The following CACNA1B variants were observed in gnomAD, a reference collection of about 807,000 sequenced individuals.
CACNA1B encodes the protein calcium voltage-gated channel subunit alpha1 B, also known as voltage-dependent N-type calcium channel subunit alpha-1B.
A neutral mutation model predicts 247.2 loss-of-function variants in CACNA1B; 70 were observed. The observed-to-expected ratio is 0.28, with a 90% CI of 0.23 to 0.35. CACNA1B has a LOEUF of 0.35. CACNA1B is among the 10% of genes least tolerant of loss of function. The pLI is 1.00. For synonymous variants in CACNA1B, 1,231 were observed against 1,294.4 expected (o/e 0.95, Z 1.05); for missense variants, 2,367 against 3,197.4 (o/e 0.74, Z 6.26).
In CACNA1B at chr9:137,954,226, G is replaced by A. The variant is rs1957917377; in HGVS notation, c.1071-1472G>A. Among the ~76,000 whole-genome samples the A allele has an allele frequency of 6.6e-6, 1 of 152,342 alleles. No homozygotes were observed. Among genetic ancestry groups the A allele is most frequent in the South Asian group, 2.1e-4 (1 of 4,830 alleles). On this transcript the variant is annotated intron_variant, in intron 7 of 46. Transcript: ENST00000371372. This position sits in a 1 kb window ranked among gnomAD's most constrained non-coding sequence, Gnocchi z 4.1. ...CCATGTGGGTCCTGCACCCCGGGGT[G>A]GCAGTGGTGAGAGGCCGCCTTCCCA...
rs987126902 is a variant in CACNA1B at position 137,880,688 on chromosome 9, C to T, written c.390+1529C>T. Among the ~76,000 whole-genome samples, 2 of 152,162 alleles carry T rather than the reference C, an allele frequency of 1.3e-5. No homozygotes were observed. The highest frequency in any genetic ancestry group is 4.8e-5 in the African/African-American group (2 of 41,444). ...GGGAAAACTGCAGAACATGCCCGCC[C>T]TGAGCCAGCCTAGAGGTCTGGGGAG... On this transcript the variant is annotated intron_variant, in intron 2 of 46. Coordinates refer to ENST00000371372, the MANE Select transcript of CACNA1B (RefSeq NM_000718.4). The surrounding 1 kb of genome is among the most constrained non-coding windows in gnomAD (Gnocchi z 4.8).
At chr9:138,062,012 G>A (rs572271079) in intron 31 of CACNA1B, among the ~76,000 whole-genome samples, 195 of 152,330 alleles carry the variant, frequency 1.3e-3, no homozygotes, top group Non-Finnish European at 1.7e-3. Context: ...TCTGTTGGTC[G>A]ACTTATCCCA....
Position 138,075,859 on chromosome 9 carries a change from A to C in CACNA1B, c.4898A>C (p.Asn1633Thr), listed in dbSNP as rs202216674. 6.2e-7 allele frequency: 1 copy of C among 1,608,358 alleles called. No homozygotes were observed. Among genetic ancestry groups the C allele is most frequent in the East Asian group, 2.2e-5 (1 of 44,836 alleles). Reference protein sequence around the residue: ...NIALDDDTSINRHNNFRTFLQ... With the variant: ...NIALDDDTSITRHNNFRTFLQ... ...GCCCTGGATGATGACACCAGCATCA[A>C]CCGCCACAACAACTTCCGGACGTTT... Residue 1633 changes from asparagine to threonine, a missense_variant, in exon 35 of 47, where the codon AAC becomes ACC. Physicochemically the swap from Asn to Thr is moderately conservative, Grantham distance 65. This residue lies in a region of CACNA1B where 436 missense variants were observed against 679.5 expected (regional missense o/e 0.64). Transcript: ENST00000371372.
chr9:138,027,533 C>T (rs929702055), intron 20 of CACNA1B, among the ~76,000 whole-genome samples: 25 of 151,956 alleles, frequency 1.6e-4, no homozygotes, highest in African/African-American at 5.8e-4. Context: ...ACCTTGTTTC[C>T]GCCTACATTA....
chr9:137,885,930 C>G (rs1588978296), intron 3 of CACNA1B, among the ~76,000 whole-genome samples: 1 of 151,084 alleles, frequency 6.6e-6, no homozygotes, highest in South Asian at 2.1e-4. Flanking sequence ...CCCAGGGCCT[C>G]CAGGCCCTCA....
At chr9:137,977,645 C>T (rs534989830) in intron 12 of CACNA1B, among the ~76,000 whole-genome samples, 9 of 152,262 alleles carry the variant, frequency 5.9e-5, no homozygotes, top group Middle Eastern at 3.4e-3. Flanking sequence ...ATGGCACTGT[C>T]GGCACCTGCC....
At chr9:138,074,323 C>G (rs1273054489) in intron 34 of CACNA1B, among the ~76,000 whole-genome samples, 1 of 151,914 alleles carries the variant, frequency 6.6e-6, no homozygotes, top group Admixed American at 6.6e-5. Context: ...TCACTGCAAC[C>G]TCTGCCTGCT....
chr9:137,885,458 G>T (rs182020068), intron 3 of CACNA1B, among the ~76,000 whole-genome samples: 3 of 151,590 alleles, frequency 2.0e-5, no homozygotes, highest in Admixed American at 6.6e-5. Context: ...TTAGTTTGTT[G>T]TTTTTAATTA....
intron 42 of CACNA1B, among the ~76,000 whole-genome samples, chr9:138,116,748 G>A (rs995421786): frequency 1.1e-4 from 16 of 152,208 alleles, no homozygotes; most frequent in Admixed American, 2.0e-4. Flanking sequence ...GGCCTTGGAC[G>A]TGGTGTTATT....
intron 31 of CACNA1B, among the ~76,000 whole-genome samples, chr9:138,065,873 A>G (rs1389396491): frequency 1.3e-5 from 2 of 152,004 alleles, no homozygotes; most frequent in Non-Finnish European, 2.9e-5. Context: ...TTTGCCCAAG[A>G]TGAAGGTTTC....
Position 137,971,649 on chromosome 9 carries a change from G to A in CACNA1B, c.1543+57G>A. On this transcript the variant is annotated intron_variant, in intron 11 of 46. Transcript: ENST00000371372. This position sits in a 1 kb window ranked among gnomAD's most constrained non-coding sequence, Gnocchi z 4.4. ...CCTGAGCATCTCTGCTCTCAGTCTG[G>A]AAACCCTGGTCCATGCCCTGGGGCT... 6.8e-7 allele frequency: 1 copy of A among 1,472,318 alleles called. No homozygotes were observed. Among genetic ancestry groups the A allele is most frequent in the South Asian group, 1.2e-5 (1 of 84,700 alleles). The allele number at this position is 1,472,318 out of a possible 1,614,324, so 91.2% of individuals were successfully genotyped here. A position where few individuals can be genotyped will look rare whatever the true frequency, so the allele number is the denominator to read the frequency against.
At chr9:138,067,826 G>T (rs1453478443) in intron 31 of CACNA1B, among the ~76,000 whole-genome samples, 2 of 152,208 alleles carry the variant, frequency 1.3e-5, no homozygotes, top group African/African-American at 2.4e-5. Flanking sequence ...CTCCTAGGCA[G>T]GTGTCCCAGA....
intron 20 of CACNA1B, among the ~76,000 whole-genome samples, chr9:138,036,673 T>C (rs1026891369): frequency 1.3e-5 from 2 of 152,232 alleles, no homozygotes; most frequent in African/African-American, 4.8e-5. Context: ...GTCTTCTCTC[T>C]GGGGCTGCTT....
At chr9:138,120,055 G>T (rs544068093) in intron 44 of CACNA1B, 110 bp from the exon 45 acceptor site, 8 of 864,696 alleles carry the variant, frequency 9.3e-6, no homozygotes, top group East Asian at 7.8e-5. Context: ...AGACCAGGAT[G>T]GGGGGCGTGT....
chr9:137,970,414 C>G (rs1958132506), intron 10 of CACNA1B, among the ~76,000 whole-genome samples: 1 of 152,208 alleles, frequency 6.6e-6, no homozygotes, highest in Admixed American at 6.5e-5. Context: ...GAGACCCTTC[C>G]CTCAGTTGTT....
At chr9:137,939,850 A>ATAAAT (rs199664165) in intron 6 of CACNA1B, among the ~76,000 whole-genome samples, 2 of 67,570 alleles carry the variant, frequency 3.0e-5, no homozygotes, top group African/African-American at 4.8e-4. Flanking sequence ...AAATAAATAA[A>ATAAAT]AAAAAATAAA....
rs763118849 is a variant in CACNA1B at position 138,049,266 on chromosome 9, A to G, written c.3661A>G (p.Ile1221Val). 1.2e-6 allele frequency: 2 copies of G among 1,613,752 alleles called. No individual in the cohort carries two copies. The highest frequency in any genetic ancestry group is 3.3e-5 in the Admixed American group (2 of 60,014). Residue 1221 changes from isoleucine to valine, a missense_variant, in exon 24 of 47, where the codon ATT (isoleucine) becomes GTT (valine). Around this residue, in one of 12 missense-constraint regions of CACNA1B, gnomAD observed 436 missense variants for 679.5 expected, o/e 0.64. Coordinates refer to ENST00000371372, the MANE Select transcript of CACNA1B (RefSeq NM_000718.4). ...PGAYFRDLWN[I>V]LDFIVVSGAL... The stretch of plus-strand genomic sequence containing the variant: ...AGCCTATTTCCGGGACTTGTGGAAC[A>G]TTCTGGACTTCATTGTGGTCAGTGG...
At chr9:138,109,156 G>A (rs1037977998) in intron 39 of CACNA1B, among the ~76,000 whole-genome samples, 2 of 152,180 alleles carry the variant, frequency 1.3e-5, no homozygotes. Flanking sequence ...AGGAATTAAG[G>A]AAAGCTTCAT....
intron 39 of CACNA1B, 78 bp downstream of exon 39, chr9:138,105,885 A>G: frequency 2.5e-6 from 2 of 806,026 alleles, no homozygotes; most frequent in South Asian, 3.0e-5. Flanking sequence ...CCCCAGGAGG[A>G]CACGCAGGGA....
Sources: gnomAD v4.1 joint callset for allele counts (sites outside exome capture counted in the v4.1 genomes callset) on GRCh38, gnomAD v4.1.1 for gene constraint, gnomAD v4.1.1 regional missense constraint, Gnocchi (gnomAD v3.1) non-coding constraint, MANE v1.5 for transcripts, NCBI Gene and HGNC (gene_info 2026-07-23, HGNC 2026-07-21) for gene names.